Variants in NDRG1 observed in about 807,000 individuals in gnomAD.
NDRG1 encodes N-myc downstream regulated 1.
In NDRG1, 32 loss-of-function variants were observed where a neutral mutation model predicts 56.9. The ratio of observed to expected loss-of-function variants is 0.56; its 90% confidence interval spans 0.42 to 0.76. The LOEUF (loss-of-function observed/expected upper bound fraction) is 0.76. Among genes scored for constraint, NDRG1 ranks in the 30% least tolerant of loss-of-function variants. The pLI is 0.00. For synonymous variants in NDRG1, 211 were observed against 204.1 expected (o/e 1.03, Z -0.29); for missense variants, 507 against 545.7 (o/e 0.93, Z 0.71).
chr8:133,265,404 G>T (rs147019871), intron 3 of NDRG1, among the ~76,000 whole-genome samples: 58 of 152,334 alleles, frequency 3.8e-4, no homozygotes, highest in African/African-American at 1.2e-3. Flanking sequence ...GGATGGAAAA[G>T]AGTGAAAGAC....
At chr8:133,261,131 A>G (rs1271102059) in intron 5 of NDRG1, among the ~76,000 whole-genome samples, 1 of 151,940 alleles carries the variant, frequency 6.6e-6, no homozygotes, top group East Asian at 1.9e-4. Context: ...TTGGAGACAG[A>G]GTCTTGCTCT....
intron 7 of NDRG1, 51 bp from the exon 8 acceptor site, chr8:133,256,914 T>C (rs751820760): frequency 5.8e-6 from 9 of 1,556,828 alleles, no homozygotes; most frequent in African/African-American, 1.4e-5. Context: ...TCTGAAACAC[T>C]AGGAACTTTC....
chr8:133,255,578 C>T, intron 8 of NDRG1: 2 of 338,522 alleles, frequency 5.9e-6, no homozygotes, highest in Admixed American at 3.9e-5. Flanking sequence ...ATGTCACTTC[C>T]TTTGCTGGAA....
At chr8:133,255,914 C>G (rs1288003534) in intron 8 of NDRG1, 1 of 154,242 alleles carries the variant, frequency 6.5e-6, no homozygotes, top group African/African-American at 2.4e-5. Context: ...AACAAAAACA[C>G]CACAATGATA....
chr8:133,284,899 A>G (rs534723583), intron 1 of NDRG1: 8 of 454,050 alleles, frequency 1.8e-5, no homozygotes, highest in Admixed American at 4.7e-5. Context: ...GCTGCCTGCT[A>G]AAAGGGAAGA....
rs199928197 is a variant in NDRG1 at position 133,262,136 on chromosome 8, G to A, written c.237C>T (p.Tyr79=). The A allele has an allele frequency of 7.4e-6, 12 of 1,614,156 alleles. No individual in the cohort carries two copies. The highest frequency in any genetic ancestry group is 1.6e-4 in the Middle Eastern group (1 of 6,062). ...GCTGGGTGATCTCCTGCATGTCCTC[G>A]TAGTTGAAGAGGGGGTTGTAGCAGG... ...HKTCYNPLFN[Y]EDMQEITQHF... The change falls in exon 5 of 16, where the codon TAC becomes TAT. Residue 79 remains tyrosine, a synonymous_variant. Coordinates refer to ENST00000323851, the MANE Select transcript of NDRG1 (RefSeq NM_006096.4).
chr8:133,247,817 G>A, intron 12 of NDRG1, 58 bp downstream of exon 12: 1 of 1,587,668 alleles, frequency 6.3e-7, no homozygotes, highest in Middle Eastern at 1.8e-4. Flanking sequence ...CTTCAACAAA[G>A]TCAACCAGAC....
chr8:133,249,262 C>T (rs374898702), intron 10 of NDRG1: 2 of 227,068 alleles, frequency 8.8e-6, no homozygotes, highest in East Asian at 1.1e-4. Flanking sequence ...TTTCCCACTG[C>T]ACTCGTGTGA....
chr8:133,275,681 GTA>G (rs1857417992), intron 3 of NDRG1, among the ~76,000 whole-genome samples: 1 of 152,184 alleles, frequency 6.6e-6, no homozygotes, highest in South Asian at 2.1e-4. Context: ...TTGCTTGTTT[GTA>G]TGTTTGTTTG....
At chr8:133,254,318 G>A (rs1856247506) in intron 9 of NDRG1, among the ~76,000 whole-genome samples, 2 of 152,200 alleles carry the variant, frequency 1.3e-5, no homozygotes, top group Admixed American at 6.5e-5. Context: ...GCAGTTAATT[G>A]TACTTCAATC....
chr8:133,259,349 C>G (rs1856548732), intron 5 of NDRG1, 119 bp from the exon 6 acceptor site: 1 of 993,424 alleles, frequency 1.0e-6, no homozygotes, highest in Non-Finnish European at 1.6e-6. Flanking sequence ...CCAGACCCCC[C>G]CACCCCCAAG....
rs1856391150 is a variant in NDRG1, at chr8:133,256,706, C to G, written c.537+71G>C. 10 of 1,456,868 alleles carry G rather than the reference C, an allele frequency of 6.9e-6. No individual in the cohort carries two copies. In the South Asian group the frequency reaches 1.2e-4, roughly 17 times the overall value. The allele number at this position is 1,456,868 out of a possible 1,614,324, so 90.2% of individuals were successfully genotyped here. A position where few individuals can be genotyped will look rare whatever the true frequency, so the allele number is the denominator to read the frequency against. ...AGAGCTCGTAGCTCCAGGGATCCCCCAGGCAGAGGCTGTGTGCACCTGTCC... is the reference window on the plus strand; with the variant it reads ...AGAGCTCGTAGCTCCAGGGATCCCCGAGGCAGAGGCTGTGTGCACCTGTCC... On this transcript the variant is annotated intron_variant, in intron 8 of 15. Coordinates refer to ENST00000323851, the MANE Select transcript of NDRG1 (RefSeq NM_006096.4).
At chr8:133,295,168 A>T (rs886616371) in intron 1 of NDRG1, among the ~76,000 whole-genome samples, 2 of 152,236 alleles carry the variant, frequency 1.3e-5, no homozygotes, top group Non-Finnish European at 2.9e-5. Flanking sequence ...ACCCATGCAC[A>T]GTCTATTACC....
chr8:133,248,832 C>T lies in NDRG1; in HGVS notation c.699-61G>A, dbSNP rs1855848168. The T allele has an allele frequency of 2.1e-5, 33 of 1,595,500 alleles. No individual in the cohort carries two copies. In the South Asian group the frequency reaches 3.5e-4, roughly 17 times the overall value. ...CCTCCCCTGGAGAAATCTCCCACTC[C>T]CATCCAGCCAAGCCCAGGAGGTCCT... On this transcript the variant is annotated intron_variant, in intron 10 of 15. Coordinates refer to ENST00000323851, the MANE Select transcript of NDRG1 (RefSeq NM_006096.4).
intron 14 of NDRG1, among the ~76,000 whole-genome samples, 195 bp from the exon 15 acceptor site, chr8:133,242,269 T>C (rs1855430410): frequency 6.6e-6 from 1 of 152,210 alleles, no homozygotes; most frequent in South Asian, 2.1e-4. Flanking sequence ...GCTGTGGAAC[T>C]TGGACAAGTT....
chr8:133,288,123 A>G (rs3802254), intron 1 of NDRG1: 5,118 of 152,418 alleles, frequency 0.034, 201 homozygotes, highest in East Asian at 0.21. Flanking sequence ...ACACTGATAC[A>G]TTCTCACTTT....
intron 3 of NDRG1, among the ~76,000 whole-genome samples, chr8:133,268,733 C>T (rs778126874): frequency 6.6e-6 from 1 of 152,160 alleles, no homozygotes; most frequent in Non-Finnish European, 1.5e-5. Context: ...TGGGCCCTTG[C>T]TCCTTTGTGC....
At chr8:133,246,799 A>G in intron 12 of NDRG1, 136 bp from the exon 13 acceptor site, 1 of 836,578 alleles carries the variant, frequency 1.2e-6, no homozygotes, top group Non-Finnish European at 2.0e-6. Flanking sequence ...ATGTGGAGTT[A>G]TTGGGATTCA....
At chr8:133,253,128 G>A (rs999372941) in intron 9 of NDRG1, among the ~76,000 whole-genome samples, 4 of 152,232 alleles carry the variant, frequency 2.6e-5, no homozygotes, top group Non-Finnish European at 5.9e-5. Context: ...CCAAGCCCAT[G>A]GCATACCCTT....
Sources: allele counts gnomAD v4.1 joint callset (sites outside exome capture counted in the v4.1 genomes callset), GRCh38; gene constraint gnomAD v4.1.1; transcripts MANE v1.5; gene names NCBI Gene and HGNC (gene_info 2026-07-23, HGNC 2026-07-21).